The following CTNNA3 variants were observed in gnomAD, a reference collection of about 807,000 sequenced individuals.
CTNNA3 encodes catenin alpha-3.
A neutral mutation model predicts 95.7 loss-of-function variants in CTNNA3; 76 were observed. That is an observed-to-expected ratio of 0.79 (90% CI 0.66 to 0.96). The LOEUF (loss-of-function observed/expected upper bound fraction) is 0.96. Ranked by LOEUF, CTNNA3 falls within the 40% of genes least tolerant of loss-of-function variation. CTNNA3 has a pLI of 0.00. For synonymous variants in CTNNA3, 431 were observed against 374.4 expected (o/e 1.15, Z -1.74); for missense variants, 1,191 against 1,089.8 (o/e 1.09, Z -1.31).
chr10:66,381,151 T>C (rs1192791561), intron 11 of CTNNA3, among the ~76,000 whole-genome samples: 1 of 152,210 alleles, frequency 6.6e-6, no homozygotes, highest in Non-Finnish European at 1.5e-5. Flanking sequence ...TATTCTGTTA[T>C]ACATATTTTA....
chr10:65,920,282 G>A lies in CTNNA3; in HGVS notation c.*48C>T, dbSNP rs773974783. 6.8e-7 allele frequency: 1 copy of A among 1,480,296 alleles called. No homozygotes were observed. The highest frequency in any genetic ancestry group is 1.4e-5 in the African/African-American group (1 of 71,252). 91.7% of individuals were successfully genotyped at this position (1,480,296 alleles called of 1,614,324 possible). A position where few individuals can be genotyped will look rare whatever the true frequency, so the allele number is the denominator to read the frequency against. Reference sequence around the variant, plus strand: ...TCTTAAGTGTAAAATAAAGCAGTGTGGTTAGGCAGGATTTTGTCATATAGG... The same window carrying A: ...TCTTAAGTGTAAAATAAAGCAGTGTAGTTAGGCAGGATTTTGTCATATAGG... On this transcript the variant is annotated 3_prime_UTR_variant, in exon 18 of 18. Transcript: ENST00000433211.
intron 15 of CTNNA3, among the ~76,000 whole-genome samples, chr10:66,043,894 AC>A (rs1372722534): frequency 6.6e-6 from 1 of 152,106 alleles, no homozygotes; most frequent in African/African-American, 2.4e-5. Context: ...TAGGAGGCAT[AC>A]CTCAAGGGAC....
intron 11 of CTNNA3, among the ~76,000 whole-genome samples, chr10:66,388,633 T>G (rs953223347): frequency 5.3e-5 from 8 of 151,922 alleles, no homozygotes; most frequent in African/African-American, 9.7e-5. Flanking sequence ...AGGTCAGATA[T>G]GGAAATAAAA....
intron 15 of CTNNA3, among the ~76,000 whole-genome samples, chr10:66,000,302 AT>A (rs72397515): frequency 0.13 from 19,712 of 152,088 alleles, 1,352 homozygotes; most frequent in East Asian, 0.2. Context: ...TCTGGCATTC[AT>A]TCTCCTTCCT....
intron 7 of CTNNA3, among the ~76,000 whole-genome samples, chr10:67,164,559 C>T (rs1217186963): frequency 1.3e-5 from 2 of 152,002 alleles, no homozygotes; most frequent in African/African-American, 4.8e-5. Context: ...ACACAAAAAG[C>T]ATGACACATA....
At chr10:65,994,140 C>T (rs766043845) in intron 15 of CTNNA3, among the ~76,000 whole-genome samples, 43 of 152,038 alleles carry the variant, frequency 2.8e-4, no homozygotes, top group Non-Finnish European at 5.6e-4. Flanking sequence ...GTGTATACTT[C>T]GTTCCTTTCT....
upstream of CTNNA3, among the ~76,000 whole-genome samples, chr10:67,696,552 A>G (rs1840968288): frequency 1.3e-5 from 2 of 152,114 alleles, no homozygotes; most frequent in South Asian, 4.1e-4. Context: ...CTGAGATCGT[A>G]TTTTTCTTCT....
chr10:67,459,038 C>G (rs1483217154), intron 5 of CTNNA3, among the ~76,000 whole-genome samples: 1 of 152,078 alleles, frequency 6.6e-6, no homozygotes, highest in Admixed American at 6.5e-5. Flanking sequence ...GAAGGTGAAG[C>G]CTAGAATAGA....
chr10:66,220,953 T>A (rs2088895021), intron 13 of CTNNA3, among the ~76,000 whole-genome samples: 1 of 152,112 alleles, frequency 6.6e-6, no homozygotes, highest in Non-Finnish European at 1.5e-5. Context: ...GATGTAAAGT[T>A]CTCACTTTGG....
chr10:67,015,958 AT>A (rs935522236), intron 7 of CTNNA3, among the ~76,000 whole-genome samples: 19 of 149,552 alleles, frequency 1.3e-4, no homozygotes, highest in Admixed American at 2.0e-4. Context: ...TATTTCTGTC[AT>A]TTTTTTCATT....
intron 10 of CTNNA3, among the ~76,000 whole-genome samples, chr10:66,593,994 C>A (rs573986623): frequency 6.6e-6 from 1 of 152,172 alleles, no homozygotes; most frequent in East Asian, 1.9e-4. Context: ...TCCAAGTTTT[C>A]CTGCCTAAAG....
At chr10:66,701,242 TA>T (rs1345445468) in intron 9 of CTNNA3, among the ~76,000 whole-genome samples, 1 of 152,184 alleles carries the variant, frequency 6.6e-6, no homozygotes, top group African/African-American at 2.4e-5. Flanking sequence ...CCTTTAACAC[TA>T]CACTATCTTG....
chr10:67,174,789 T>C (rs1862163499), intron 7 of CTNNA3, among the ~76,000 whole-genome samples: 1 of 152,172 alleles, frequency 6.6e-6, no homozygotes, highest in African/African-American at 2.4e-5. Context: ...GATTCCTTTA[T>C]ATCTTCTTGG....
intron 2 of CTNNA3, among the ~76,000 whole-genome samples, chr10:67,608,229 C>T (rs1206512633): frequency 1.3e-5 from 2 of 152,180 alleles, no homozygotes; most frequent in Non-Finnish European, 1.5e-5. Flanking sequence ...CTATATGATT[C>T]AGAATGTTTC....
At chr10:66,673,640 A>G (rs1284793860) in intron 9 of CTNNA3, among the ~76,000 whole-genome samples, 4 of 152,066 alleles carry the variant, frequency 2.6e-5, no homozygotes, top group Non-Finnish European at 5.9e-5. Context: ...TTAAATTCCT[A>G]TGATTAGATA....
chr10:66,638,363 A>T (rs866201537), intron 9 of CTNNA3, among the ~76,000 whole-genome samples: 4 of 152,268 alleles, frequency 2.6e-5, no homozygotes, highest in Middle Eastern at 6.8e-3. Flanking sequence ...TATTAATTTC[A>T]AATGAATGTA....
At chr10:67,063,358 G>A (rs1434964088) in intron 7 of CTNNA3, among the ~76,000 whole-genome samples, 1 of 152,176 alleles carries the variant, frequency 6.6e-6, no homozygotes, top group Non-Finnish European at 1.5e-5. Context: ...AATCAAACTA[G>A]ATAAAGCTGA....
intron 7 of CTNNA3, among the ~76,000 whole-genome samples, chr10:67,151,818 A>G (rs576849742): frequency 6.6e-6 from 1 of 152,352 alleles, no homozygotes; most frequent in East Asian, 1.9e-4. Flanking sequence ...AAGGAAATAT[A>G]CATGATAGAA....
intron 7 of CTNNA3, among the ~76,000 whole-genome samples, chr10:66,875,483 A>G (rs984617251): frequency 2.8e-4 from 42 of 152,156 alleles, no homozygotes; most frequent in African/African-American, 9.7e-4. Context: ...TAGTATTTAA[A>G]TGGCATAAGA....
Sources: allele counts gnomAD v4.1 joint callset (sites outside exome capture counted in the v4.1 genomes callset), GRCh38; gene constraint gnomAD v4.1.1; transcripts MANE v1.5; gene names NCBI Gene and HGNC (gene_info 2026-07-23, HGNC 2026-07-21).